PSMA2: variants seen among roughly 807,000 people sequenced by gnomAD.
PSMA2 encodes the protein proteasome 20S subunit alpha 2.
A neutral mutation model predicts 35.9 loss-of-function variants in PSMA2; 2 were observed. The ratio of observed to expected loss-of-function variants is 0.06; its 90% CI spans 0.02 to 0.18. The LOEUF is 0.18. Among genes scored for constraint, PSMA2 ranks in the 10% least tolerant of loss-of-function variants. The pLI is 1.00. For missense variants in PSMA2, 126 were observed against 278.8 expected, an observed-to-expected ratio of 0.45 and a Z score of 3.90; for synonymous variants, 97 against 98.2, an observed-to-expected ratio of 0.99 and a Z score of 0.07.
intron 3 of PSMA2, 49 bp downstream of exon 3, chr7:42,926,487 A>G (rs1238023228): frequency 6.7e-7 from 1 of 1,494,534 alleles, no homozygotes; most frequent in Middle Eastern, 2.5e-4. Context: ...AATACAGATT[A>G]CAATCAATTC....
At position 42,923,403 on chromosome 7, in the gene PSMA2, A is replaced by G. The variant is rs776993511; in HGVS notation, c.378T>C (p.Gly126=). The change falls in exon 5 of 8, where the codon GGT becomes GGC. Residue 126 remains glycine, a synonymous_variant. Transcript: ENST00000223321. ...GTAAAGAAACTCCAAATGGACGAAC[A>G]CCACTGCAGGGAGGAAAATGAAAAT... ...SVMQEYTQSG[G]VRPFGVSLLI... is the part of the protein sequence containing the mutation. 1 of 1,611,568 alleles carries G rather than the reference A, an allele frequency of 6.2e-7. No homozygotes were observed. Among genetic ancestry groups the G allele is most frequent in the Non-Finnish European group, 8.5e-7 (1 of 1,177,894 alleles).
At chr7:42,928,656 C>T (rs1786249175) in intron 1 of PSMA2, among the ~76,000 whole-genome samples, 1 of 152,188 alleles carries the variant, frequency 6.6e-6, no homozygotes. Context: ...AGGTCCTTAT[C>T]TCCCGTCTAC....
chr7:42,925,925 C>T (rs563053884), intron 3 of PSMA2, among the ~76,000 whole-genome samples: 18 of 152,222 alleles, frequency 1.2e-4, no homozygotes, highest in Admixed American at 2.6e-4. Flanking sequence ...ACTCCTTTTA[C>T]TTGTTTAAAT....
intron 3 of PSMA2, among the ~76,000 whole-genome samples, chr7:42,926,061 C>A (rs1402899832): frequency 6.6e-6 from 1 of 152,228 alleles, no homozygotes; most frequent in Non-Finnish European, 1.5e-5. Context: ...TTGGCTGCCA[C>A]ACTCAACAAC....
intron 3 of PSMA2, 61 bp downstream of exon 3, chr7:42,926,475 A>C: frequency 6.8e-7 from 1 of 1,460,474 alleles, no homozygotes; most frequent in Non-Finnish European, 9.0e-7. Flanking sequence ...TTTTCTCCTG[A>C]AAATACAGAT....
chr7:42,928,279 G>C (rs892805828), intron 1 of PSMA2, among the ~76,000 whole-genome samples: 2 of 152,164 alleles, frequency 1.3e-5, no homozygotes, highest in African/African-American at 4.8e-5. Flanking sequence ...CATAAAATCA[G>C]TAACAAGCAC....
chr7:42,931,804 T>C (rs1052619784), intron 1 of PSMA2, among the ~76,000 whole-genome samples: 5 of 151,966 alleles, frequency 3.3e-5, no homozygotes, highest in African/African-American at 1.2e-4. Context: ...CACCCAGAGA[T>C]GGTTAAGCTA....
intron 6 of PSMA2, chr7:42,919,631 A>G: frequency 1.8e-6 from 1 of 567,026 alleles, no homozygotes; most frequent in Non-Finnish European, 3.4e-6. Flanking sequence ...TCTGAGGGAG[A>G]GATTTTGGTA....
At chr7:42,930,311 G>A (rs1420257508) in intron 1 of PSMA2, among the ~76,000 whole-genome samples, 2 of 152,142 alleles carry the variant, frequency 1.3e-5, no homozygotes, top group African/African-American at 2.4e-5. Context: ...CCAGGCTGGA[G>A]TGCAGTGGCA....
At position 42,917,732 on chromosome 7, in the gene PSMA2, T is replaced by G. The variant is rs750611286; in HGVS notation, c.589-42A>C. ...AAAAAAGGTCAATTTTCTAAGCAGT[T>G]AATCATGAAATCATTATAAATCCAG... On this transcript the variant is annotated intron_variant, in intron 7 of 7. Coordinates refer to ENST00000223321, the MANE Select transcript of PSMA2 (RefSeq NM_002787.5). 27 of 1,609,862 alleles carry G rather than the reference T, an allele frequency of 1.7e-5. No individual in the cohort carries two copies. The South Asian group carries it at 2.2e-4, about 13-fold the overall frequency.
rs113226771 is a variant in PSMA2, at chr7:42,932,099, T to C, written c.41+19A>G. On this transcript the variant is annotated intron_variant, in intron 1 of 7. Coordinates refer to ENST00000223321, the MANE Select transcript of PSMA2 (RefSeq NM_002787.5). ...AGCAACCTCGACTACGCTGAAGACC[T>C]CGAGGGCCCCTTCCATACCTGAATG... 3.1e-6 allele frequency: 5 copies of C among 1,614,088 alleles called. No individual in the cohort carries two copies. Among genetic ancestry groups the C allele is most frequent in the Non-Finnish European group, 3.4e-6 (4 of 1,180,026 alleles).
At chr7:42,925,165 A>G (rs1316658361) in intron 3 of PSMA2, among the ~76,000 whole-genome samples, 1 of 152,106 alleles carries the variant, frequency 6.6e-6, no homozygotes, top group Admixed American at 6.6e-5. Context: ...TTCTGGGCAT[A>G]TTTTTCTCAC....
In PSMA2 at chr7:42,917,703, G is replaced by T. The variant is rs372967665; in HGVS notation, c.589-13C>A. On this transcript the variant is annotated splice_polypyrimidine_tract_variant and intron_variant, in intron 7 of 7. Coordinates refer to ENST00000223321, the MANE Select transcript of PSMA2 (RefSeq NM_002787.5). ...CTTCAAAGCTTTCCTATTGAGGAGGGAGGAAAAAAGGTCAATTTTCTAAGC... is the reference window on the plus strand; with the variant it reads ...CTTCAAAGCTTTCCTATTGAGGAGGTAGGAAAAAAGGTCAATTTTCTAAGC... 16 of 1,610,908 alleles carry T rather than the reference G, an allele frequency of 9.9e-6. No individual in the cohort carries two copies.
intron 1 of PSMA2, 66 bp downstream of exon 1, chr7:42,932,052 A>G (rs921268219): frequency 4.4e-6 from 7 of 1,602,940 alleles, no homozygotes; most frequent in Non-Finnish European, 6.0e-6. Context: ...CAGGATGGGA[A>G]AAACTAAATC....
intron 6 of PSMA2, chr7:42,918,073 C>CTTT (rs56108431): frequency 8.2e-4 from 138 of 167,382 alleles, no homozygotes; most frequent in Middle Eastern, 2.5e-3. Flanking sequence ...GTTTAGGAAA[C>CTTT]TTTTTTTTTT....
chr7:42,919,894 C>T, intron 6 of PSMA2: 1 of 754,388 alleles, frequency 1.3e-6, no homozygotes, highest in Non-Finnish European at 2.5e-6. Flanking sequence ...GCCAGTGGTT[C>T]TGAAGATGGA....
chr7:42,924,011 G>A (rs1039595749), intron 4 of PSMA2, among the ~76,000 whole-genome samples: 2 of 152,046 alleles, frequency 1.3e-5, no homozygotes, highest in Non-Finnish European at 2.9e-5. Context: ...ATATGAATAC[G>A]TCCAAGAGCT....
At chr7:42,932,062 C>A in intron 1 of PSMA2, 56 bp downstream of exon 1, 1 of 1,608,254 alleles carries the variant, frequency 6.2e-7, no homozygotes, top group South Asian at 1.1e-5. Flanking sequence ...AAAACTAAAT[C>A]GACAGAGTAC....
chr7:42,924,085 C>T (rs1009262504), intron 4 of PSMA2, among the ~76,000 whole-genome samples: 2 of 151,760 alleles, frequency 1.3e-5, no homozygotes, highest in African/African-American at 4.8e-5. Flanking sequence ...AGCGGCCAGG[C>T]ACAGTCCCAA....
Sources: allele counts gnomAD v4.1 joint callset (sites outside exome capture counted in the v4.1 genomes callset), GRCh38; gene constraint gnomAD v4.1.1; transcripts MANE v1.5; gene names NCBI Gene and HGNC (gene_info 2026-07-23, HGNC 2026-07-21).